DOK6: variants seen among roughly 807,000 people sequenced by gnomAD.
DOK6 encodes downstream of tyrosine kinase 6.
Under a neutral mutation model 44.0 loss-of-function variants are expected in DOK6, and 22 were observed. The ratio of observed to expected loss-of-function variants is 0.50; its 90% confidence interval spans 0.36 to 0.71. The LOEUF (loss-of-function observed/expected upper bound fraction) is 0.71, where lower values mean the gene tolerates loss of function less well. Ranked by LOEUF, DOK6 falls within the 30% of genes least tolerant of loss-of-function variation. The pLI is 0.00. For synonymous variants in DOK6, 166 were observed against 145.5 expected (o/e 1.14, Z -1.01); for missense variants, 340 against 416.4 (o/e 0.82, Z 1.60).
chr18:69,493,896 A>G (rs1221276756), intron 1 of DOK6, among the ~76,000 whole-genome samples: 1 of 152,236 alleles, frequency 6.6e-6, no homozygotes, highest in African/African-American at 2.4e-5. Context: ...ATATGCATAT[A>G]CATTGTGAAA....
At chr18:69,694,007 C>A (rs1226112986) in intron 4 of DOK6, among the ~76,000 whole-genome samples, 18 of 137,092 alleles carry the variant, frequency 1.3e-4, no homozygotes, top group African/African-American at 4.7e-4. Flanking sequence ...TGCAGCGAGC[C>A]GAGATCCCGC....
intron 7 of DOK6, among the ~76,000 whole-genome samples, chr18:69,815,365 C>T (rs190971403): frequency 9.2e-5 from 14 of 152,268 alleles, no homozygotes; most frequent in Non-Finnish European, 1.9e-4. Flanking sequence ...AATGTGCATT[C>T]CTTCTGTGAT....
chr18:69,518,751 C>G (rs939811506), intron 1 of DOK6, among the ~76,000 whole-genome samples: 6 of 151,962 alleles, frequency 3.9e-5, no homozygotes, highest in African/African-American at 1.4e-4. Context: ...AAATATGTAT[C>G]AAAGTTAAAA....
chr18:69,443,411 A>G (rs1001766362), intron 1 of DOK6, among the ~76,000 whole-genome samples: 2 of 152,270 alleles, frequency 1.3e-5, no homozygotes, highest in South Asian at 2.1e-4. Flanking sequence ...CAGCAAATTT[A>G]TCTTCTCTTT....
At chr18:69,738,864 A>T in intron 5 of DOK6, 101 bp from the exon 6 acceptor site, 1 of 1,438,754 alleles carries the variant, frequency 7.0e-7, no homozygotes, top group Non-Finnish European at 9.5e-7. Flanking sequence ...TGTGGAGGTC[A>T]GGAGGAGGAG....
intron 3 of DOK6, among the ~76,000 whole-genome samples, chr18:69,664,341 A>C (rs996844316): frequency 6.6e-6 from 1 of 152,256 alleles, no homozygotes; most frequent in African/African-American, 2.4e-5. Flanking sequence ...CTCATTTGAT[A>C]CTGGCTTTTA....
intron 1 of DOK6, among the ~76,000 whole-genome samples, chr18:69,495,342 C>T (rs981371871): frequency 3.3e-5 from 5 of 152,208 alleles, no homozygotes; most frequent in African/African-American, 9.6e-5. Context: ...TCAGCCCTGC[C>T]GTTCCACATT....
intron 2 of DOK6, among the ~76,000 whole-genome samples, chr18:69,591,634 G>A (rs1243693839): frequency 6.6e-6 from 1 of 151,960 alleles, no homozygotes. Flanking sequence ...ATAAAATAAT[G>A]TCAATATTGG....
At chr18:69,543,919 G>A (rs1384417666) in intron 1 of DOK6, among the ~76,000 whole-genome samples, 1 of 151,202 alleles carries the variant, frequency 6.6e-6, no homozygotes, top group East Asian at 1.9e-4. Context: ...ATATTGAAGG[G>A]GTAATGATGA....
intron 1 of DOK6, among the ~76,000 whole-genome samples, chr18:69,549,013 T>C (rs1266697720): frequency 6.7e-6 from 1 of 149,250 alleles, no homozygotes; most frequent in Non-Finnish European, 1.5e-5. Flanking sequence ...GAGAATGGCG[T>C]GAACCCCGGG....
At chr18:69,802,626 G>A (rs1980935953) in intron 7 of DOK6, among the ~76,000 whole-genome samples, 1 of 152,130 alleles carries the variant, frequency 6.6e-6, no homozygotes, top group Non-Finnish European at 1.5e-5. Flanking sequence ...TAATGAGTGA[G>A]TTCTCACTCT....
chr18:69,663,990 A>AT (rs544709304), intron 3 of DOK6, among the ~76,000 whole-genome samples: 2 of 152,100 alleles, frequency 1.3e-5, no homozygotes, highest in African/African-American at 2.4e-5. Flanking sequence ...TAAGCCGTTA[A>AT]TTTTTTTTAA....
chr18:69,461,972 C>T (rs1209180212), intron 1 of DOK6, among the ~76,000 whole-genome samples: 1 of 152,182 alleles, frequency 6.6e-6, no homozygotes, highest in Non-Finnish European at 1.5e-5. Flanking sequence ...GTGCTTATGC[C>T]TGTTCTTCCT....
At chr18:69,768,906 G>A (rs1324687586) in intron 7 of DOK6, among the ~76,000 whole-genome samples, 1 of 147,990 alleles carries the variant, frequency 6.8e-6, no homozygotes, top group East Asian at 2.1e-4. Flanking sequence ...CAGGAGCATG[G>A]TTATATGTTT....
chr18:69,505,949 C>CT (rs1003273861), intron 1 of DOK6, among the ~76,000 whole-genome samples: 302 of 151,080 alleles, frequency 2.0e-3, no homozygotes, highest in African/African-American at 6.5e-3. Flanking sequence ...TACCCATATG[C>CT]TTTTTTTTTC....
At chr18:69,828,882 G>GTATATATATATATATATA (rs1475499795) in intron 7 of DOK6, among the ~76,000 whole-genome samples, 4 of 25,166 alleles carry the variant, frequency 1.6e-4, no homozygotes, top group South Asian at 3.3e-3. Context: ...ATACATTTAT[G>GTATATATATATATATATA]TGTATATATA....
At chr18:69,696,225 C>T (rs1042972840) in intron 4 of DOK6, among the ~76,000 whole-genome samples, 1 of 152,154 alleles carries the variant, frequency 6.6e-6, no homozygotes, top group Non-Finnish European at 1.5e-5. Flanking sequence ...TATCTGCTAA[C>T]ATTTGAGCAC....
chr18:69,784,176 T>A (rs1332938306), intron 7 of DOK6, among the ~76,000 whole-genome samples: 1 of 152,142 alleles, frequency 6.6e-6, no homozygotes, highest in Non-Finnish European at 1.5e-5. Context: ...CAGAGCAAGA[T>A]TCTGCCTCAA....
At chr18:69,604,525 A>T (rs1983950227) in intron 3 of DOK6, among the ~76,000 whole-genome samples, 1 of 152,212 alleles carries the variant, frequency 6.6e-6, no homozygotes, top group South Asian at 2.1e-4. Flanking sequence ...TTTAAATATG[A>T]CCTACTTGAA....
Sources: gnomAD v4.1 joint callset for allele counts (sites outside exome capture counted in the v4.1 genomes callset) on GRCh38, gnomAD v4.1.1 for gene constraint, MANE v1.5 for transcripts, NCBI Gene and HGNC (gene_info 2026-07-23, HGNC 2026-07-21) for gene names.